ADGRL3: variants seen among roughly 807,000 people sequenced by gnomAD.
The protein encoded by ADGRL3 is adhesion G protein-coupled receptor L3.
Under a neutral mutation model 153.5 loss-of-function variants are expected in ADGRL3, and 62 were observed. The ratio of observed to expected loss-of-function variants is 0.40; its 90% CI spans 0.33 to 0.50. The LOEUF is 0.50. ADGRL3 is among the 20% of genes least tolerant of loss of function. The pLI is 0.47. For synonymous variants in ADGRL3, 710 were observed against 672.5 expected, an observed-to-expected ratio of 1.06 and a Z score of -0.86; for missense variants, 1,641 against 1,859.4, an observed-to-expected ratio of 0.88 and a Z score of 2.16.
In ADGRL3 at chr4:61,527,737, A is replaced by G. The variant is rs537988133; in HGVS notation, c.259+10219A>G. 1.3e-4 allele frequency among the ~76,000 whole-genome samples: 20 copies of G among 152,316 alleles called. No individual in the cohort carries two copies. In the South Asian group the frequency reaches 3.7e-3, roughly 28 times the overall value. On this transcript the variant is annotated intron_variant, in intron 4 of 26. Coordinates refer to ENST00000683033, the MANE Select transcript of ADGRL3 (RefSeq NM_001387552.1). ...TGGTTTTTGTTTTTAATGCTATGAAATGTATTCACTTTTTTTCCATTAACA... is the reference window on the plus strand; with the variant it reads ...TGGTTTTTGTTTTTAATGCTATGAAGTGTATTCACTTTTTTTCCATTAACA...
intron 2 of ADGRL3, among the ~76,000 whole-genome samples, chr4:61,465,927 G>A (rs953489452): frequency 9.9e-5 from 15 of 151,818 alleles, no homozygotes; most frequent in African/African-American, 3.6e-4. Flanking sequence ...TTCGAGACCA[G>A]CTTGGACAAC....
At chr4:61,447,997 G>A (rs1159221914) in intron 2 of ADGRL3, among the ~76,000 whole-genome samples, 1 of 152,192 alleles carries the variant, frequency 6.6e-6, no homozygotes, top group Non-Finnish European at 1.5e-5. Flanking sequence ...CCTATAGAAA[G>A]AGATGTATTC....
chr4:61,368,540 G>C (rs1223219655), intron 1 of ADGRL3, among the ~76,000 whole-genome samples: 2 of 151,880 alleles, frequency 1.3e-5, no homozygotes, highest in Non-Finnish European at 2.9e-5. Context: ...GATAGTTGTA[G>C]ATATGCGGCG....
At chr4:61,843,880 G>C (rs140545268) in intron 9 of ADGRL3, among the ~76,000 whole-genome samples, 1 of 152,056 alleles carries the variant, frequency 6.6e-6, no homozygotes, top group African/African-American at 2.4e-5. Flanking sequence ...CAGGCATAGT[G>C]GGTAGTGTGT....
chr4:61,794,950 G>A (rs994869104), intron 8 of ADGRL3, among the ~76,000 whole-genome samples: 12 of 152,030 alleles, frequency 7.9e-5, no homozygotes, highest in African/African-American at 1.9e-4. Flanking sequence ...ACTTCTTATC[G>A]CATAACCTCT....
At chr4:61,795,412 C>A (rs536750633) in intron 8 of ADGRL3, among the ~76,000 whole-genome samples, 2 of 152,194 alleles carry the variant, frequency 1.3e-5, no homozygotes, top group African/African-American at 4.8e-5. Context: ...ACTCTGTGGG[C>A]CGCAACCTAT....
At chr4:62,046,336 G>A (rs73823297) in intron 25 of ADGRL3, among the ~76,000 whole-genome samples, 2,026 of 152,000 alleles carry the variant, frequency 0.013, 47 homozygotes, top group African/African-American at 0.046. Context: ...AGTAAGGTGT[G>A]TCAGTTCAGT....
At chr4:61,730,975 C>T (rs7678046) in intron 7 of ADGRL3, among the ~76,000 whole-genome samples, 107,531 of 151,734 alleles carry the variant, frequency 0.71, 39,136 homozygotes, top group East Asian at 0.93. Flanking sequence ...ATGGTTTCCC[C>T]ATTCCATTAA....
In ADGRL3 at chr4:61,311,971, G is replaced by C. The variant is rs1257575027; in HGVS notation, c.-239-71153G>C. On this transcript the variant is annotated intron_variant, in intron 1 of 26. Coordinates refer to ENST00000683033, the MANE Select transcript of ADGRL3 (RefSeq NM_001387552.1). Reference sequence around the variant, plus strand: ...CATGTGGGATGTTAATAATGGGGGAGGCTATGCATCTATGGGGCAGAGGGT... The same window carrying C: ...CATGTGGGATGTTAATAATGGGGGACGCTATGCATCTATGGGGCAGAGGGT... Among the ~76,000 whole-genome samples the C allele has an allele frequency of 7.2e-5, 11 of 152,208 alleles. No homozygotes were observed. The East Asian group carries it at 2.1e-3, about 29-fold the overall frequency.
chr4:61,993,909 C>T (rs1399485415), intron 19 of ADGRL3, among the ~76,000 whole-genome samples: 1 of 152,074 alleles, frequency 6.6e-6, no homozygotes, highest in Non-Finnish European at 1.5e-5. Context: ...ACCGTCACAA[C>T]AAAAGGGTAA....
chr4:61,378,296 A>G (rs1290703953), intron 1 of ADGRL3, among the ~76,000 whole-genome samples: 1 of 151,928 alleles, frequency 6.6e-6, no homozygotes, highest in Non-Finnish European at 1.5e-5. Context: ...TTTATCATTG[A>G]TTTTTGTGGA....
At chr4:61,625,135 T>A (rs1183609668) in intron 5 of ADGRL3, among the ~76,000 whole-genome samples, 7 of 151,858 alleles carry the variant, frequency 4.6e-5, no homozygotes, top group Non-Finnish European at 1.0e-4. Context: ...TACATTAAGG[T>A]TAAGTATTGT....
intron 2 of ADGRL3, among the ~76,000 whole-genome samples, chr4:61,480,694 A>G (rs2152733128): frequency 6.6e-6 from 1 of 152,178 alleles, no homozygotes; most frequent in Non-Finnish European, 1.5e-5. Flanking sequence ...GAGGCAGGAG[A>G]ATCTCTTGAA....
chr4:62,045,616 A>G (rs1422666962), intron 25 of ADGRL3, among the ~76,000 whole-genome samples: 1 of 152,024 alleles, frequency 6.6e-6, no homozygotes, highest in Non-Finnish European at 1.5e-5. Flanking sequence ...CATCTTATCT[A>G]TATGAAGAAG....
intron 8 of ADGRL3, among the ~76,000 whole-genome samples, chr4:61,795,239 C>T (rs546578993): frequency 5.3e-5 from 8 of 152,206 alleles, no homozygotes; most frequent in African/African-American, 1.9e-4. Flanking sequence ...ACAATTCTCC[C>T]ATCTCAGCCT....
chr4:61,510,631 T>C (rs571527811), intron 3 of ADGRL3, among the ~76,000 whole-genome samples: 2 of 152,294 alleles, frequency 1.3e-5, no homozygotes, highest in Admixed American at 1.3e-4. Flanking sequence ...GTCTGTTTTG[T>C]ATTAGTACCA....
intron 24 of ADGRL3, among the ~76,000 whole-genome samples, chr4:62,038,202 CTTA>C (rs1325147608): frequency 2.6e-5 from 4 of 152,026 alleles, no homozygotes; most frequent in African/African-American, 4.8e-5. Context: ...GATTCTAATT[CTTA>C]TAATTCTTCT....
chr4:61,831,411 T>TAAAAAAAA, intron 9 of ADGRL3, among the ~76,000 whole-genome samples: 1 of 37,300 alleles, frequency 2.7e-5, no homozygotes, highest in Non-Finnish European at 4.7e-5. Flanking sequence ...AGATGCTAAG[T>TAAAAAAAA]AAAAAAAAAA....
intron 1 of ADGRL3, among the ~76,000 whole-genome samples, chr4:61,372,103 G>A (rs2151743059): frequency 6.6e-6 from 1 of 152,006 alleles, no homozygotes; most frequent in South Asian, 2.1e-4. Flanking sequence ...GCACTTCTCT[G>A]TATTGGTTAT....
Sources: allele counts gnomAD v4.1 joint callset (sites outside exome capture counted in the v4.1 genomes callset), GRCh38; gene constraint gnomAD v4.1.1; transcripts MANE v1.5; gene names NCBI Gene and HGNC (gene_info 2026-07-23, HGNC 2026-07-21).